KIF13A: variants seen among roughly 807,000 people sequenced by gnomAD.
KIF13A encodes the protein kinesin-like protein KIF13A.
Under a neutral mutation model 212.2 loss-of-function variants are expected in KIF13A, and 79 were observed. The observed-to-expected ratio is 0.37, with a 90% confidence interval of 0.31 to 0.45. KIF13A has a LOEUF of 0.45. Among genes scored for constraint, KIF13A ranks in the 20% least tolerant of loss-of-function variants. The pLI, the probability that KIF13A is intolerant of heterozygous loss-of-function variation, is 1.00. For synonymous variants in KIF13A, 789 were observed against 808.6 expected (o/e 0.98, Z 0.41); for missense variants, 1,901 against 2,209.0 (o/e 0.86, Z 2.79).
intron 6 of KIF13A, among the ~76,000 whole-genome samples, chr6:17,854,110 T>C (rs1194488528): frequency 1.3e-5 from 2 of 152,196 alleles, no homozygotes; most frequent in African/African-American, 2.4e-5. Flanking sequence ...TTGTCACTCA[T>C]AATTTTGGTC....
In KIF13A at chr6:17,930,954, C is replaced by A. The variant is rs372638764; in HGVS notation, c.147-32774G>T. 3.9e-5 allele frequency among the ~76,000 whole-genome samples: 6 copies of A among 152,360 alleles called. No individual in the cohort carries two copies. In the South Asian group the frequency reaches 6.2e-4, roughly 16 times the overall value. On this transcript the variant is annotated intron_variant, in intron 2 of 38. Coordinates refer to ENST00000259711, the MANE Select transcript of KIF13A (RefSeq NM_022113.6). ...TCTAAGTGTTTTCTCCACTAATCAA[C>A]ATCCGGCAGGTTCATTTTTGATTAA...
intron 31 of KIF13A, 59 bp downstream of exon 31, chr6:17,780,667 TAGAG>T (rs1372427145): frequency 2.0e-6 from 3 of 1,489,634 alleles, no homozygotes; most frequent in African/African-American, 1.4e-5. Flanking sequence ...TGCTTTGTGA[TAGAG>T]AGAGGGAAAA....
In KIF13A at chr6:17,794,202, C is replaced by T. The variant is rs77012093; in HGVS notation, c.3222+47G>A. On this transcript the variant is annotated intron_variant, in intron 25 of 38. Coordinates refer to ENST00000259711, the MANE Select transcript of KIF13A (RefSeq NM_022113.6). The surrounding 1 kb of genome is among the most constrained non-coding windows in gnomAD (Gnocchi z 4.1). ...GGCAAAGAGGTCCCCCTGGGACCTGCATTAACCAAGCTTTGTTAAATACTA... is the reference window on the plus strand; with the variant it reads ...GGCAAAGAGGTCCCCCTGGGACCTGTATTAACCAAGCTTTGTTAAATACTA... 52,873 of 1,506,464 alleles carry T rather than the reference C, an allele frequency of 0.035. 1,117 individuals carry two copies. Among genetic ancestry groups the T allele is most frequent in the Non-Finnish European group, 0.042 (46,084 of 1,096,568 alleles). 93.3% of individuals were successfully genotyped at this position (1,506,464 alleles called of 1,614,324 possible). A position where few individuals can be genotyped will look rare whatever the true frequency, so the allele number is the denominator to read the frequency against.
chr6:17,821,926 C>T, intron 16 of KIF13A: 1 of 1,534,822 alleles, frequency 6.5e-7, no homozygotes, highest in Middle Eastern at 1.7e-4. Context: ...AGGGGAATCA[C>T]AGTGAACACC....
At chr6:17,885,395 T>C (rs143571793) in intron 3 of KIF13A, among the ~76,000 whole-genome samples, 90 of 152,338 alleles carry the variant, frequency 5.9e-4, no homozygotes, top group African/African-American at 1.9e-3. Flanking sequence ...ATGTAATTAA[T>C]CATTTCCTTT....
At chr6:17,877,989 A>C (rs1770721490) in intron 3 of KIF13A, among the ~76,000 whole-genome samples, 1 of 152,230 alleles carries the variant, frequency 6.6e-6, no homozygotes. Flanking sequence ...AAGCGCTAGA[A>C]TTATAGCAGT....
intron 30 of KIF13A, 108 bp from the exon 31 acceptor site, chr6:17,781,014 A>T: frequency 7.4e-7 from 1 of 1,351,936 alleles, no homozygotes; most frequent in South Asian, 1.3e-5. Flanking sequence ...CTGTAATCAA[A>T]TAGATTTCTT....
chr6:17,848,765 G>A (rs1175849426), intron 9 of KIF13A, among the ~76,000 whole-genome samples: 1 of 151,642 alleles, frequency 6.6e-6, no homozygotes, highest in Non-Finnish European at 1.5e-5. Context: ...GGGTAGAGAT[G>A]GGTACAAACG....
rs1335078533 is a variant in KIF13A, at chr6:17,946,400, T to C, written c.146+40654A>G. 2.7e-5 allele frequency among the ~76,000 whole-genome samples: 4 copies of C among 149,826 alleles called. No homozygotes were observed. The East Asian group carries it at 7.9e-4, about 29-fold the overall frequency. Reference sequence around the variant, plus strand: ...TTTTGCATATAACAAAAGATTAATATACACAATATATAAGTAACACCAAGG... The same window carrying C: ...TTTTGCATATAACAAAAGATTAATACACACAATATATAAGTAACACCAAGG... On this transcript the variant is annotated intron_variant, in intron 2 of 38. Coordinates refer to ENST00000259711, the MANE Select transcript of KIF13A (RefSeq NM_022113.6).
At chr6:17,876,609 G>T (rs1581607992) in intron 3 of KIF13A, among the ~76,000 whole-genome samples, 1 of 140,804 alleles carries the variant, frequency 7.1e-6, no homozygotes, top group South Asian at 2.5e-4. Context: ...TATATGATCT[G>T]TGTGTGTGAG....
At position 17,764,245 on chromosome 6, in the gene KIF13A, C is replaced by T. The variant is rs1758746190; in HGVS notation, c.5283G>A (p.Arg1761=). ...TDSSAGELSS[R]RSLPNKTGGK... ...CGCCTGTTTTATTTGGTAGACTCCT[C>T]CTACTGGAAAGCTCTCCAGCAGAAG... The change falls in exon 39 of 39, where the codon AGG becomes AGA. Residue 1761 remains arginine, a synonymous_variant. Transcript: ENST00000259711. This position sits in a 1 kb window ranked among gnomAD's most constrained non-coding sequence, Gnocchi z 5.1. 2 of 1,613,874 alleles carry T rather than the reference C, an allele frequency of 1.2e-6. No individual in the cohort carries two copies. The highest frequency in any genetic ancestry group is 1.1e-5 in the South Asian group (1 of 91,080).
chr6:17,822,028 G>A (rs1581420389), intron 16 of KIF13A: 1 of 973,546 alleles, frequency 1.0e-6, no homozygotes, highest in Non-Finnish European at 1.5e-6. Context: ...GATGGGGTAG[G>A]GGGAAACATA....
Position 17,763,988 on chromosome 6 carries a change from G to C in KIF13A, c.*122C>G, listed in dbSNP as rs961861319. ...GACTTGCTCTCCGACAGAGACAGCT[G>C]TGCAGGAAGTGAGCCTGCTTCTCTG... is the stretch of plus-strand genomic sequence containing the variant. On this transcript the variant is annotated 3_prime_UTR_variant, in exon 39 of 39. Coordinates refer to ENST00000259711, the MANE Select transcript of KIF13A (RefSeq NM_022113.6). 27 of 1,458,950 alleles carry C rather than the reference G, an allele frequency of 1.9e-5. No homozygotes were observed. The African/African-American group carries it at 3.4e-4, about 18-fold the overall frequency. 90.4% of individuals were successfully genotyped at this position (1,458,950 alleles called of 1,614,324 possible). A position where few individuals can be genotyped will look rare whatever the true frequency, so the allele number is the denominator to read the frequency against.
intron 25 of KIF13A, among the ~76,000 whole-genome samples, chr6:17,792,492 G>A (rs1177048269): frequency 6.6e-6 from 1 of 152,178 alleles, no homozygotes; most frequent in East Asian, 1.9e-4. Context: ...TAAGAACCCA[G>A]GTTTCCTGAC....
intron 20 of KIF13A, among the ~76,000 whole-genome samples, chr6:17,803,027 G>A (rs1009960937): frequency 1.8e-4 from 27 of 150,066 alleles, no homozygotes; most frequent in Admixed American, 2.7e-4. Context: ...TCCACCTCCC[G>A]GGTTCAAGCG....
chr6:17,876,576 T>C (rs1770573980), intron 3 of KIF13A, among the ~76,000 whole-genome samples: 1 of 152,196 alleles, frequency 6.6e-6, no homozygotes, highest in African/African-American at 2.4e-5. Flanking sequence ...CTATCTCAAT[T>C]ATTTTATTTT....
At chr6:17,854,451 T>C (rs1767954228) in intron 6 of KIF13A, among the ~76,000 whole-genome samples, 1 of 152,150 alleles carries the variant, frequency 6.6e-6, no homozygotes, top group African/African-American at 2.4e-5. Context: ...GTGATTATTT[T>C]TGAATGGTGA....
In KIF13A at chr6:17,902,435, GT is replaced by G. The variant is rs377332770; in HGVS notation, c.147-4256del. ...TTTGGAGAGAAAATAAGGAGAGACA[GT>G]TCTTATTTTCCACATTGATAGTAGT... On this transcript the variant is annotated intron_variant, in intron 2 of 38. Transcript: ENST00000259711. Among the ~76,000 whole-genome samples the G allele has an allele frequency of 3.7e-4, 57 of 152,314 alleles. 2 individuals are homozygous for G. The East Asian group carries it at 0.011, about 28-fold the overall frequency.
chr6:17,778,847 C>G (rs1581889465), intron 33 of KIF13A, 100 bp downstream of exon 33: 9 of 1,371,208 alleles, frequency 6.6e-6, no homozygotes, highest in Non-Finnish European at 9.1e-6. Context: ...TGCTCCTTCT[C>G]TGATAGATTT....
Sources: gnomAD v4.1 joint callset for allele counts (sites outside exome capture counted in the v4.1 genomes callset) on GRCh38, gnomAD v4.1.1 for gene constraint, Gnocchi (gnomAD v3.1) non-coding constraint, MANE v1.5 for transcripts, NCBI Gene and HGNC (gene_info 2026-07-23, HGNC 2026-07-21) for gene names.